ARNT: variants seen among roughly 807,000 people sequenced by gnomAD.
ARNT encodes aryl hydrocarbon receptor nuclear translocator, also known as class E basic helix-loop-helix protein 2.
In ARNT, 30 loss-of-function variants were observed where a neutral mutation model predicts 105.0. That is an observed-to-expected ratio of 0.29 (90% confidence interval 0.21 to 0.39). The LOEUF (loss-of-function observed/expected upper bound fraction) is 0.39, where lower values mean the gene tolerates loss of function less well. Ranked by LOEUF, ARNT falls within the 10% of genes least tolerant of loss-of-function variation. The pLI is 1.00. For synonymous variants in ARNT, 304 were observed against 344.0 expected (o/e 0.88, Z 1.29); for missense variants, 748 against 978.7 (o/e 0.76, Z 3.15).
chr1:150,817,337 T>G, intron 16 of ARNT, 24 bp downstream of exon 16: 2 of 1,613,842 alleles, frequency 1.2e-6, no homozygotes, highest in Non-Finnish European at 1.7e-6. Flanking sequence ...CCCTACCCTC[T>G]TCAACGAAGA....
rs746205086 is a variant in ARNT, at chr1:150,848,770, G to A, written c.183-2463C>T. Among the ~76,000 whole-genome samples the A allele has an allele frequency of 2.6e-5, 4 of 152,194 alleles. No individual in the cohort carries two copies. In the East Asian group the frequency reaches 5.8e-4, roughly 22 times the overall value. On this transcript the variant is annotated intron_variant, in intron 3 of 21. Coordinates refer to ENST00000358595, the MANE Select transcript of ARNT (RefSeq NM_001668.4). ...TGGTCCTGAATTCCAGAGCTTAAGC[G>A]ATCCACCCACCTCAGCCTCCTAAAG... is the stretch of plus-strand genomic sequence containing the variant.
intron 1 of ARNT, among the ~76,000 whole-genome samples, chr1:150,864,490 T>G (rs1210056769): frequency 6.6e-6 from 1 of 151,680 alleles, no homozygotes; most frequent in Non-Finnish European, 1.5e-5. Context: ...GAAATCATCA[T>G]TCTCAGTAAA....
chr1:150,846,404 A>G (rs1662221626), intron 3 of ARNT, 97 bp from the exon 4 acceptor site: 1 of 1,206,644 alleles, frequency 8.3e-7, no homozygotes, highest in African/African-American at 1.5e-5. Context: ...TATTCAATAG[A>G]AAAAAAGCCA....
Position 150,846,265 on chromosome 1 carries a change from G to A in ARNT, c.225C>T (p.Ala75=), listed in dbSNP as rs1361774883. The A allele has an allele frequency of 1.2e-6, 2 of 1,612,594 alleles. No homozygotes were observed. The highest frequency in any genetic ancestry group is 1.7e-4 in the Middle Eastern group (1 of 6,054). The change falls in exon 4 of 22, where the codon GCC becomes GCT. Residue 75 remains alanine (A), a splice_region_variant and synonymous_variant. Transcript: ENST00000358595. ...TATATTACCTACTACAATATTACCTGGCAAACCGCTCCTTATCGTTAGACA... is the reference window on the plus strand; with the variant it reads ...TATATTACCTACTACAATATTACCTAGCAAACCGCTCCTTATCGTTAGACA... ...DQMSNDKERF[A]RSDDEQSSAD... is the part of the protein sequence containing the mutation.
chr1:150,812,062 C>G lies in ARNT; in HGVS notation c.2329G>C (p.Glu777Gln). 1 of 1,572,958 alleles carries G rather than the reference C, an allele frequency of 6.4e-7. No homozygotes were observed. Residue 777 changes from glutamate to glutamine, a missense_variant, in exon 22 of 22, where the codon GAA becomes CAA. This residue lies in a region of ARNT where 360 missense variants were observed against 411.9 expected (regional missense o/e 0.87). Coordinates refer to ENST00000358595, the MANE Select transcript of ARNT (RefSeq NM_001668.4). ...GDQSNSYNNEEFPDLTMFPPF... is the reference protein window; with the variant it reads ...GDQSNSYNNEQFPDLTMFPPF... ...GGAAACATAGTTAGATCAGGGAATT[C>G]TTCATTGTTGTAGCTGTTGCTCTGA...
intron 21 of ARNT, among the ~76,000 whole-genome samples, chr1:150,812,871 G>C (rs587689877): frequency 1.3e-5 from 2 of 151,974 alleles, no homozygotes; most frequent in East Asian, 3.9e-4. Flanking sequence ...CTCCTTTTTT[G>C]TTTGTTTGAC....
At chr1:150,860,840 G>C (rs1333697328) in intron 1 of ARNT, among the ~76,000 whole-genome samples, 2 of 151,900 alleles carry the variant, frequency 1.3e-5, no homozygotes, top group South Asian at 4.2e-4. Context: ...CTGAGCGACA[G>C]AGAAAGACTC....
chr1:150,872,117 C>T (rs1242949684), intron 1 of ARNT, among the ~76,000 whole-genome samples: 11 of 151,690 alleles, frequency 7.3e-5, no homozygotes, highest in Non-Finnish European at 4.4e-5. Flanking sequence ...CCACAGTGCC[C>T]GGAAAATTTT....
chr1:150,866,435 G>C (rs918766017), intron 1 of ARNT, among the ~76,000 whole-genome samples: 1 of 152,162 alleles, frequency 6.6e-6, no homozygotes, highest in Non-Finnish European at 1.5e-5. Flanking sequence ...AATGGGCCTT[G>C]ATGTGTGCAC....
At chr1:150,871,294 G>GA (rs1667380582) in intron 1 of ARNT, among the ~76,000 whole-genome samples, 2 of 94,620 alleles carry the variant, frequency 2.1e-5, no homozygotes, top group Non-Finnish European at 4.1e-5. Context: ...GGCAGTCGTG[G>GA]TTTTTTTTTT....
Position 150,817,077 on chromosome 1 carries a change from C to T in ARNT, c.1699+5G>A, listed in dbSNP as rs1037827161. 6.8e-6 allele frequency: 11 copies of T among 1,613,952 alleles called. No individual in the cohort carries two copies. The Admixed American group carries it at 1.2e-4, about 17-fold the overall frequency. ...ATTTAAAAGGATAATGAGAAAGAAACATACCCGCATTGATGTTGTGATAGA... is the reference window on the plus strand; with the variant it reads ...ATTTAAAAGGATAATGAGAAAGAAATATACCCGCATTGATGTTGTGATAGA... On this transcript the variant is annotated splice_donor_5th_base_variant and intron_variant, in intron 17 of 21. Coordinates refer to ENST00000358595, the MANE Select transcript of ARNT (RefSeq NM_001668.4).
intron 1 of ARNT, among the ~76,000 whole-genome samples, chr1:150,864,768 ATAAAT>A (rs1429584188): frequency 1.4e-5 from 2 of 139,466 alleles, no homozygotes; most frequent in African/African-American, 5.2e-5. Context: ...ATAATAAAAA[ATAAAT>A]AAATAAATAA....
At chr1:150,837,074 A>G (rs1000416963) in intron 6 of ARNT, among the ~76,000 whole-genome samples, 3 of 152,086 alleles carry the variant, frequency 2.0e-5, no homozygotes, top group African/African-American at 7.2e-5. Context: ...TCTCAAAAAA[A>G]AAAAGGCTTA....
At chr1:150,864,757 T>A in intron 1 of ARNT, among the ~76,000 whole-genome samples, 1 of 125,498 alleles carries the variant, frequency 8.0e-6, no homozygotes, top group Non-Finnish European at 1.7e-5. Context: ...AAACTTAAAG[T>A]ATAATAAAAA....
At chr1:150,875,501 A>AACAC (rs10305653) in intron 1 of ARNT, among the ~76,000 whole-genome samples, 8 of 152,134 alleles carry the variant, frequency 5.3e-5, no homozygotes, top group Non-Finnish European at 7.3e-5. Flanking sequence ...CGCCCCACGC[A>AACAC]ACACACACAC....
chr1:150,846,074 T>C (rs749154828), intron 4 of ARNT, among the ~76,000 whole-genome samples, 189 bp downstream of exon 4: 4 of 152,182 alleles, frequency 2.6e-5, no homozygotes, highest in Non-Finnish European at 4.4e-5. Flanking sequence ...TACCGCCAGT[T>C]TGAAGCCATG....
Position 150,814,122 on chromosome 1 carries a change from C to G in ARNT, c.2068G>C (p.Gly690Arg). The G allele has an allele frequency of 6.2e-7, 1 of 1,614,132 alleles. No individual in the cohort carries two copies. The highest frequency in any genetic ancestry group is 8.5e-7 in the Non-Finnish European group (1 of 1,180,036). ...GTGAGACTAGGGTAGGCAGCAGCAC[C>G]AGGCGATGCAGTTGGGGCACCAGGG... ...SLPGAPTASPGAAAYPSLTNR... is the reference protein window; with the variant it reads ...SLPGAPTASPRAAAYPSLTNR... Residue 690 changes from glycine (G) to arginine (R), a missense_variant, in exon 20 of 22, where the codon GGT (glycine) becomes CGT (arginine). By Grantham distance (125) the Gly-to-Arg change is moderately radical. Transcript: ENST00000358595.
At chr1:150,854,780 C>A (rs1276359430) in intron 2 of ARNT, among the ~76,000 whole-genome samples, 1 of 149,746 alleles carries the variant, frequency 6.7e-6, no homozygotes, top group Non-Finnish European at 1.5e-5. Flanking sequence ...TTGCCTGAAC[C>A]CGGGAGGCAG....
At chr1:150,820,313 A>T (rs765368875) in intron 14 of ARNT, among the ~76,000 whole-genome samples, 24 of 152,226 alleles carry the variant, frequency 1.6e-4, no homozygotes, top group Non-Finnish European at 2.5e-4. Context: ...GTTGATACAT[A>T]GAATTGAAAC....
Sources: allele counts gnomAD v4.1 joint callset (sites outside exome capture counted in the v4.1 genomes callset), GRCh38; gene constraint gnomAD v4.1.1; regional missense constraint gnomAD v4.1.1; transcripts MANE v1.5; gene names NCBI Gene and HGNC (gene_info 2026-07-23, HGNC 2026-07-21).